Variants in LRRTM3 observed in about 807,000 individuals in gnomAD.
LRRTM3 encodes leucine-rich repeat transmembrane neuronal protein 3.
LRRTM3 carries 24 observed loss-of-function variants against 44.7 expected under a neutral mutation model. The ratio of observed to expected loss-of-function variants is 0.54; its 90% CI spans 0.39 to 0.76. The LOEUF is 0.76. LRRTM3 is among the 30% of genes least tolerant of loss of function. LRRTM3 has a pLI of 0.00. For synonymous variants in LRRTM3, 277 were observed against 278.7 expected, an observed-to-expected ratio of 0.99 and a Z score of 0.06; for missense variants, 587 against 702.2, an observed-to-expected ratio of 0.84 and a Z score of 1.85.
chr10:67,020,311 G>C (rs2133070352), intron 2 of LRRTM3, among the ~76,000 whole-genome samples: 1 of 152,284 alleles, frequency 6.6e-6, no homozygotes, highest in Middle Eastern at 3.4e-3. Flanking sequence ...ACAGCCTCAT[G>C]TTAAATTATA....
intron 2 of LRRTM3, among the ~76,000 whole-genome samples, chr10:67,089,876 G>A (rs2131905094): frequency 6.6e-6 from 1 of 151,990 alleles, no homozygotes; most frequent in African/African-American, 2.4e-5. Context: ...CAGAAATTGT[G>A]TCTTCATCAT....
intron 2 of LRRTM3, among the ~76,000 whole-genome samples, chr10:66,981,263 C>G (rs1383462842): frequency 6.6e-6 from 1 of 152,162 alleles, no homozygotes; most frequent in Non-Finnish European, 1.5e-5. Flanking sequence ...GTTAAGCATC[C>G]TAAAAATGAA....
At chr10:67,073,529 T>C (rs1040688001) in intron 2 of LRRTM3, among the ~76,000 whole-genome samples, 1 of 151,278 alleles carries the variant, frequency 6.6e-6, no homozygotes, top group African/African-American at 2.4e-5. Context: ...TAAACAAGTA[T>C]CAACAAAAAT....
intron 2 of LRRTM3, among the ~76,000 whole-genome samples, chr10:67,058,629 G>T (rs1333540311): frequency 6.6e-6 from 1 of 151,960 alleles, no homozygotes; most frequent in Non-Finnish European, 1.5e-5. Context: ...GTGCGCAGAA[G>T]CCCAGAGAGC....
intron 2 of LRRTM3, among the ~76,000 whole-genome samples, chr10:67,032,962 T>A (rs563605303): frequency 6.6e-6 from 1 of 152,292 alleles, no homozygotes; most frequent in Admixed American, 6.5e-5. Context: ...AATGGCTGGC[T>A]TTTGAAATTC....
intron 2 of LRRTM3, among the ~76,000 whole-genome samples, chr10:66,943,588 G>A (rs140257422): frequency 7.3e-5 from 11 of 151,522 alleles, no homozygotes; most frequent in South Asian, 6.3e-4. Context: ...AAACTCTCAC[G>A]GCGAGGTGTT....
chr10:67,067,373 A>C (rs1253581879), intron 2 of LRRTM3, among the ~76,000 whole-genome samples: 2 of 152,116 alleles, frequency 1.3e-5, no homozygotes, highest in Non-Finnish European at 2.9e-5. Context: ...ACCCTCCCCC[A>C]CCAAAAATGA....
At chr10:67,063,034 A>G (rs116779255) in intron 2 of LRRTM3, among the ~76,000 whole-genome samples, 2,171 of 152,118 alleles carry the variant, frequency 0.014, 55 homozygotes, top group African/African-American at 0.05. Context: ...CTAATTTCCT[A>G]AAGTTAATTA....
intron 2 of LRRTM3, among the ~76,000 whole-genome samples, chr10:67,008,195 G>C (rs981485122): frequency 2.0e-5 from 3 of 151,856 alleles, no homozygotes; most frequent in Non-Finnish European, 1.5e-5. Context: ...GCTTTAAAAA[G>C]TTGGGACCAT....
At chr10:67,073,967 T>C (rs1014365435) in intron 2 of LRRTM3, among the ~76,000 whole-genome samples, 4 of 152,144 alleles carry the variant, frequency 2.6e-5, no homozygotes, top group Non-Finnish European at 5.9e-5. Flanking sequence ...GATACAGATA[T>C]TTATTTCGCA....
intron 2 of LRRTM3, among the ~76,000 whole-genome samples, chr10:66,958,991 C>T (rs1317490490): frequency 6.6e-6 from 1 of 152,040 alleles, no homozygotes; most frequent in Non-Finnish European, 1.5e-5. Flanking sequence ...TGAATTATCT[C>T]CTCCCCACAG....
At chr10:66,957,993 G>A (rs1381042706) in intron 2 of LRRTM3, among the ~76,000 whole-genome samples, 2 of 151,994 alleles carry the variant, frequency 1.3e-5, no homozygotes, top group Non-Finnish European at 2.9e-5. Flanking sequence ...CTGTGGCCTG[G>A]AGCAGGGTAC....
intron 2 of LRRTM3, among the ~76,000 whole-genome samples, chr10:67,080,131 G>A (rs956867057): frequency 6.6e-6 from 1 of 152,094 alleles, no homozygotes; most frequent in South Asian, 2.1e-4. Context: ...AGCCCCAAGT[G>A]CTTGTATTTC....
At chr10:67,070,372 T>C (rs962650484) in intron 2 of LRRTM3, among the ~76,000 whole-genome samples, 6 of 152,206 alleles carry the variant, frequency 3.9e-5, no homozygotes, top group South Asian at 2.1e-4. Flanking sequence ...CTTAATGGTA[T>C]GTTTTGATGA....
At chr10:67,092,581 T>C (rs569769795) in intron 2 of LRRTM3, among the ~76,000 whole-genome samples, 1 of 152,112 alleles carries the variant, frequency 6.6e-6, no homozygotes, top group South Asian at 2.1e-4. Context: ...ATATTACTTA[T>C]ATAGTTAATA....
At chr10:66,937,635 C>A (rs988204564) in intron 2 of LRRTM3, among the ~76,000 whole-genome samples, 4 of 152,114 alleles carry the variant, frequency 2.6e-5, no homozygotes, top group Admixed American at 6.6e-5. Context: ...GTACATAAAA[C>A]CAATGTCCTC....
intron 2 of LRRTM3, among the ~76,000 whole-genome samples, chr10:67,051,189 T>G (rs1374819651): frequency 6.6e-6 from 1 of 152,212 alleles, no homozygotes; most frequent in African/African-American, 2.4e-5. Flanking sequence ...CTGGGTGAAT[T>G]ATTATTCCTC....
chr10:66,978,526 CA>C (rs1170594360), intron 2 of LRRTM3, among the ~76,000 whole-genome samples: 31 of 42,306 alleles, frequency 7.3e-4, no homozygotes, highest in Admixed American at 1.6e-3. Flanking sequence ...GACTCCATCT[CA>C]AAAAAAAAAA....
At chr10:66,944,307 T>A (rs1848170586) in intron 2 of LRRTM3, among the ~76,000 whole-genome samples, 1 of 152,188 alleles carries the variant, frequency 6.6e-6, no homozygotes, top group African/African-American at 2.4e-5. Context: ...TCTCTGTTCA[T>A]CCATAAGCAG....
Sources: allele counts gnomAD v4.1 joint callset (sites outside exome capture counted in the v4.1 genomes callset), GRCh38; gene constraint gnomAD v4.1.1; transcripts MANE v1.5; gene names NCBI Gene and HGNC (gene_info 2026-07-23, HGNC 2026-07-21).